SV2C: variants seen among roughly 807,000 people sequenced by gnomAD.
The protein encoded by SV2C is solute carrier family 22 member B3.
SV2C carries 49 observed loss-of-function variants against 79.7 expected under a neutral mutation model. The ratio of observed to expected loss-of-function variants is 0.61; its 90% CI spans 0.49 to 0.78. The LOEUF is 0.78. SV2C is among the 30% of genes least tolerant of loss of function. SV2C has a pLI of 0.00. For synonymous variants in SV2C, 334 were observed against 333.2 expected (o/e 1.00, Z -0.03); for missense variants, 833 against 912.9 (o/e 0.91, Z 1.13).
At chr5:75,866,560 C>G in the SV2C span, among the ~76,000 whole-genome samples, 11 of 152,328 alleles carry the variant, frequency 7.2e-5, no homozygotes, top group East Asian at 1.7e-3. Context: ...TGCCAACTTT[C>G]TAGCATTATC....
the SV2C span, among the ~76,000 whole-genome samples, chr5:75,977,394 G>A: frequency 2.0e-5 from 3 of 152,104 alleles, no homozygotes; most frequent in Non-Finnish European, 2.9e-5. Flanking sequence ...TTTGTTCCTC[G>A]TGTTTGTTTT....
chr5:76,039,802 T>C, the SV2C span, among the ~76,000 whole-genome samples: 2 of 151,816 alleles, frequency 1.3e-5, no homozygotes, highest in Admixed American at 6.6e-5. Flanking sequence ...AATTGAGTCT[T>C]CTAAAGAGTG....
the SV2C span, among the ~76,000 whole-genome samples, chr5:75,967,094 G>C: frequency 6.6e-6 from 1 of 152,164 alleles, no homozygotes; most frequent in Non-Finnish European, 1.5e-5. Context: ...AATGCTTTGA[G>C]AGGCTGAAGT....
chr5:75,955,953 G>C, the SV2C span, among the ~76,000 whole-genome samples: 2 of 151,684 alleles, frequency 1.3e-5, no homozygotes, highest in Non-Finnish European at 2.9e-5. Flanking sequence ...TGGTGGGACT[G>C]TAAACTAGTT....
At chr5:76,255,316 A>G (rs1579992262) in intron 4 of SV2C, among the ~76,000 whole-genome samples, 1 of 152,216 alleles carries the variant, frequency 6.6e-6, no homozygotes, top group East Asian at 1.9e-4. Flanking sequence ...TGGAATTCAC[A>G]AACGCATTCT....
At chr5:76,347,439 G>T (rs1432701693) in intron 12 of SV2C, among the ~76,000 whole-genome samples, 1 of 119,464 alleles carries the variant, frequency 8.4e-6, no homozygotes, top group Non-Finnish European at 1.7e-5. Flanking sequence ...GCCCGGACAT[G>T]TTTTGTTTTT....
chr5:76,305,316 G>A (rs559874419), intron 12 of SV2C, among the ~76,000 whole-genome samples: 58 of 152,262 alleles, frequency 3.8e-4, no homozygotes, highest in South Asian at 8.3e-4. Context: ...TAATGAGGAC[G>A]TTGTTCATTA....
chr5:76,016,170 C>A, the SV2C span, among the ~76,000 whole-genome samples: 1 of 145,214 alleles, frequency 6.9e-6, no homozygotes. Context: ...TTTGGAAGCA[C>A]AAGGTTGCCA....
the SV2C span, among the ~76,000 whole-genome samples, chr5:76,076,170 T>C: frequency 6.6e-6 from 1 of 152,212 alleles, no homozygotes; most frequent in Non-Finnish European, 1.5e-5. Context: ...GTTAAATATA[T>C]GTGTGTAGTT....
At chr5:75,866,112 T>C in the SV2C span, among the ~76,000 whole-genome samples, 1 of 152,142 alleles carries the variant, frequency 6.6e-6, no homozygotes, top group Non-Finnish European at 1.5e-5. Context: ...TCAGTGAAGG[T>C]GAGAATGGAA....
chr5:76,298,772 A>C (rs1417109705), intron 9 of SV2C, 22 bp from the exon 10 acceptor site: 1 of 1,610,996 alleles, frequency 6.2e-7, no homozygotes, highest in Non-Finnish European at 8.5e-7. Flanking sequence ...GATTGATATG[A>C]ATTTTTCTGT....
At chr5:76,221,569 A>G (rs1745066044) in intron 4 of SV2C, among the ~76,000 whole-genome samples, 2 of 152,088 alleles carry the variant, frequency 1.3e-5, no homozygotes, top group African/African-American at 4.8e-5. Flanking sequence ...AGTACACACT[A>G]ATGTGTGTTA....
At chr5:76,174,956 C>T (rs1217491089) in intron 2 of SV2C, among the ~76,000 whole-genome samples, 2 of 152,226 alleles carry the variant, frequency 1.3e-5, no homozygotes, top group Non-Finnish European at 2.9e-5. Flanking sequence ...AGCCAAGAAT[C>T]TCATGTGTTC....
the SV2C span, among the ~76,000 whole-genome samples, chr5:75,880,334 A>G: frequency 6.6e-6 from 1 of 152,070 alleles, no homozygotes; most frequent in Non-Finnish European, 1.5e-5. Flanking sequence ...CCAAACTTTC[A>G]CACTCTGCTT....
chr5:75,925,616 T>C, the SV2C span, among the ~76,000 whole-genome samples: 286 of 152,230 alleles, frequency 1.9e-3, 1 homozygote, highest in African/African-American at 6.5e-3. Flanking sequence ...GTGCTCAAAC[T>C]CTGCTTGTAT....
At chr5:75,991,615 A>G in the SV2C span, among the ~76,000 whole-genome samples, 19 of 148,608 alleles carry the variant, frequency 1.3e-4, no homozygotes, top group Non-Finnish European at 2.7e-4. Context: ...GGATACATAT[A>G]TGCAAAACCA....
the SV2C span, among the ~76,000 whole-genome samples, chr5:76,060,097 G>A: frequency 2.6e-5 from 4 of 152,112 alleles, no homozygotes; most frequent in East Asian, 1.9e-4. Flanking sequence ...ATGTGCTGTC[G>A]CTCAGGCGTT....
the SV2C span, among the ~76,000 whole-genome samples, chr5:75,970,947 C>T: frequency 6.6e-6 from 1 of 152,084 alleles, no homozygotes; most frequent in East Asian, 1.9e-4. Context: ...CAAACCGAAT[C>T]CAGCAGCACA....
Position 76,325,479 on chromosome 5 carries a change from A to G in SV2C, c.2116A>G (p.Thr706Ala). Residue 706 changes from threonine to alanine, a missense_variant, in exon 13 of 13, where the codon ACT (threonine) becomes GCT (alanine). By Grantham distance (58) the Thr-to-Ala change is moderately conservative. Coordinates refer to ENST00000502798, the MANE Select transcript of SV2C (RefSeq NM_014979.4). Reference sequence around the variant, plus strand: ...ATCAATCCCCATCCTGCTGGCTTCTACTGTGCTCGTGTGTGGAGGACTCGT... The same window carrying G: ...ATCAATCCCCATCCTGCTGGCTTCTGCTGTGCTCGTGTGTGGAGGACTCGT... ...TKSIPILLAS[T>A]VLVCGGLVGL... The G allele has an allele frequency of 3.1e-6, 5 of 1,614,158 alleles. No individual in the cohort carries two copies. The highest frequency in any genetic ancestry group is 4.2e-6 in the Non-Finnish European group (5 of 1,180,034).
Sources: allele counts gnomAD v4.1 joint callset (sites outside exome capture counted in the v4.1 genomes callset), GRCh38; gene constraint gnomAD v4.1.1; transcripts MANE v1.5; gene names NCBI Gene and HGNC (gene_info 2026-07-23, HGNC 2026-07-21).